CEP70: variants seen among roughly 807,000 people sequenced by gnomAD.
CEP70 encodes centrosomal protein 70.
In CEP70, 70 loss-of-function variants were observed where a neutral mutation model predicts 90.9. The observed-to-expected ratio is 0.77, with a 90% CI of 0.64 to 0.94. CEP70 has a LOEUF of 0.94. Ranked by LOEUF, CEP70 falls within the 40% of genes least tolerant of loss-of-function variation. The probability of loss-of-function intolerance (pLI) is 0.00; values close to 1 mark genes in which losing one functional copy is unlikely to be tolerated. For missense variants in CEP70, 648 were observed against 669.0 expected (o/e 0.97, Z 0.35); for synonymous variants, 220 against 228.3 (o/e 0.96, Z 0.33).
rs761349135 is a variant in CEP70, at chr3:138,500,061, C to A, written c.1652+49G>T. The A allele has an allele frequency of 2.3e-6, 3 of 1,287,010 alleles. No homozygotes were observed. The African/African-American group carries it at 4.4e-5, about 19-fold the overall frequency. The allele number at this position is 1,287,010 out of a possible 1,614,324, so 79.7% of individuals were successfully genotyped here. The stretch of plus-strand genomic sequence containing the variant: ...AGCTGGGACTACAGGCGTGTGCCAC[C>A]ACACCCAGCCATTCTGGATGATACT... On this transcript the variant is annotated intron_variant, in intron 16 of 17. Transcript: ENST00000264982.
At chr3:138,576,635 T>G (rs1442586351) in intron 2 of CEP70, among the ~76,000 whole-genome samples, 1 of 152,146 alleles carries the variant, frequency 6.6e-6, no homozygotes, top group Non-Finnish European at 1.5e-5. Flanking sequence ...CCACCCCAAA[T>G]CAATAGAATA....
intron 11 of CEP70, among the ~76,000 whole-genome samples, chr3:138,513,192 C>A (rs2035687183): frequency 6.6e-6 from 1 of 152,244 alleles, no homozygotes; most frequent in African/African-American, 2.4e-5. Context: ...AGCCTGTGCA[C>A]TGCAATCTCT....
Position 138,529,351 on chromosome 3 carries a change from T to G in CEP70, c.780+24A>C, listed in dbSNP as rs758878222. 6 of 1,573,140 alleles carry G rather than the reference T, an allele frequency of 3.8e-6. No homozygotes were observed. In the East Asian group the frequency reaches 1.3e-4, roughly 35 times the overall value. On this transcript the variant is annotated intron_variant, in intron 9 of 17. Coordinates refer to ENST00000264982, the MANE Select transcript of CEP70 (RefSeq NM_024491.4). ...GATTACTTAGTTTATTAAAAAGTAT[T>G]TATTAGTTATGCAGTCCCCATACCA... is the stretch of plus-strand genomic sequence containing the variant.
At chr3:138,496,396 A>G (rs1462640546) in intron 17 of CEP70, 2 of 985,358 alleles carry the variant, frequency 2.0e-6, no homozygotes, top group African/African-American at 1.7e-5. Flanking sequence ...CAGAAACAAT[A>G]TAAGCAAACC....
chr3:138,496,447 A>G, intron 17 of CEP70: 1 of 985,448 alleles, frequency 1.0e-6, no homozygotes, highest in Non-Finnish European at 1.2e-6. Flanking sequence ...ACATTGTGGT[A>G]AGGTACAAGA....
chr3:138,532,644 T>C, intron 7 of CEP70, 74 bp from the exon 8 acceptor site: 1 of 1,248,622 alleles, frequency 8.0e-7, no homozygotes, highest in Non-Finnish European at 1.1e-6. Flanking sequence ...CACCACATAA[T>C]TTCAAATTAC....
intron 3 of CEP70, 47 bp from the exon 4 acceptor site, chr3:138,571,403 G>A (rs1028170916): frequency 4.1e-6 from 5 of 1,225,738 alleles, no homozygotes; most frequent in African/African-American, 3.0e-5. Context: ...GATATAAAGT[G>A]AAGAAATTCT....
intron 7 of CEP70, among the ~76,000 whole-genome samples, chr3:138,535,193 CCAAA>C (rs1182130244): frequency 1.3e-5 from 2 of 152,140 alleles, no homozygotes; most frequent in Non-Finnish European, 2.9e-5. Flanking sequence ...TCTTGACGTC[CCAAA>C]CACATTCACT....
In CEP70 at chr3:138,571,307, C is replaced by A; in HGVS notation, c.119G>T (p.Gly40Val). Reference protein sequence around the residue: ...ESINVLLMMHGLKPLSLVKRT... With the variant: ...ESINVLLMMHVLKPLSLVKRT... Reference sequence around the variant, plus strand: ...TTTGACTAGAGACAAAGGTTTTAAGCCATGCATCATCAATAGCACATTTAT... The same window carrying A: ...TTTGACTAGAGACAAAGGTTTTAAGACATGCATCATCAATAGCACATTTAT... The change falls in exon 4 of 18, where the codon GGC becomes GTC. Residue 40 changes from glycine (G) to valine (V), a missense_variant. Coordinates refer to ENST00000264982, the MANE Select transcript of CEP70 (RefSeq NM_024491.4). The A allele has an allele frequency of 1.9e-6, 3 of 1,611,706 alleles. No homozygotes were observed. Among genetic ancestry groups the A allele is most frequent in the Non-Finnish European group, 2.5e-6 (3 of 1,178,816 alleles).
At chr3:138,522,433 G>A (rs1361762477) in intron 11 of CEP70, among the ~76,000 whole-genome samples, 1 of 151,944 alleles carries the variant, frequency 6.6e-6, no homozygotes, top group East Asian at 1.9e-4. Context: ...ATGAATCCAG[G>A]AGCTGGTTTT....
chr3:138,495,853 CA>C, intron 17 of CEP70: 4 of 980,472 alleles, frequency 4.1e-6, no homozygotes, highest in Non-Finnish European at 3.6e-6. Flanking sequence ...GACTATGTCT[CA>C]AAAAAAACAA....
chr3:138,515,842 A>G (rs916395503), intron 11 of CEP70, among the ~76,000 whole-genome samples: 1 of 152,002 alleles, frequency 6.6e-6, no homozygotes, highest in Non-Finnish European at 1.5e-5. Flanking sequence ...ACTTCCCTAC[A>G]TCCTCCTTCT....
At position 138,518,350 on chromosome 3, in the gene CEP70, G is replaced by A. The variant is rs56188042; in HGVS notation, c.944+7140C>T. 5.3e-3 allele frequency among the ~76,000 whole-genome samples: 802 copies of A among 152,302 alleles called. 7 individuals are homozygous for A. The highest frequency in any genetic ancestry group is 0.018 in the African/African-American group (744 of 41,562). ...GATAGAGTAGTGGTTCTCCCAGCTCGCAGCTGGAGATCTGAGAACTGGCAG... is the reference window on the plus strand; with the variant it reads ...GATAGAGTAGTGGTTCTCCCAGCTCACAGCTGGAGATCTGAGAACTGGCAG... On this transcript the variant is annotated intron_variant, in intron 11 of 17. Transcript: ENST00000264982.
At chr3:138,567,426 C>A (rs777096359) in intron 6 of CEP70, among the ~76,000 whole-genome samples, 20 of 152,194 alleles carry the variant, frequency 1.3e-4, no homozygotes, top group South Asian at 6.2e-4. Context: ...AAACATGCCA[C>A]TTTGGCATAA....
chr3:138,563,733 C>G (rs1576849685), intron 6 of CEP70, among the ~76,000 whole-genome samples: 1 of 152,102 alleles, frequency 6.6e-6, no homozygotes, highest in East Asian at 1.9e-4. Context: ...TAAGTGCCCA[C>G]AAGAGAAAGC....
chr3:138,515,423 C>G (rs374393866), intron 11 of CEP70, among the ~76,000 whole-genome samples: 11 of 130,786 alleles, frequency 8.4e-5, no homozygotes, highest in African/African-American at 3.3e-4. Context: ...AGCACTAACT[C>G]AGAGGCCATC....
intron 2 of CEP70, among the ~76,000 whole-genome samples, chr3:138,580,521 C>G (rs1379388305): frequency 6.6e-6 from 1 of 152,152 alleles, no homozygotes; most frequent in African/African-American, 2.4e-5. Flanking sequence ...TCACAACACT[C>G]AAGTCACTGG....
At chr3:138,538,807 C>T (rs1465616997) in intron 6 of CEP70, among the ~76,000 whole-genome samples, 1 of 152,082 alleles carries the variant, frequency 6.6e-6, no homozygotes, top group African/African-American at 2.4e-5. Context: ...TCCATTGTTA[C>T]ACATCTACTA....
chr3:138,556,097 G>T (rs1424662305), intron 6 of CEP70, among the ~76,000 whole-genome samples: 1 of 152,186 alleles, frequency 6.6e-6, no homozygotes, highest in Admixed American at 6.5e-5. Context: ...CCATAAAAAT[G>T]AATGAATCAA....
Sources: allele counts gnomAD v4.1 joint callset (sites outside exome capture counted in the v4.1 genomes callset), GRCh38; gene constraint gnomAD v4.1.1; transcripts MANE v1.5; gene names NCBI Gene and HGNC (gene_info 2026-07-23, HGNC 2026-07-21).